MAPK10: variants seen among roughly 807,000 people sequenced by gnomAD.
MAPK10 encodes the protein JNK3 alpha protein kinase.
MAPK10 carries 25 observed loss-of-function variants against 59.3 expected under a neutral mutation model. The observed-to-expected ratio is 0.42, with a 90% CI of 0.31 to 0.59. The LOEUF is 0.59. Among genes scored for constraint, MAPK10 ranks in the 20% least tolerant of loss-of-function variants. The pLI is 0.15. For missense variants in MAPK10, 351 were observed against 568.9 expected (o/e 0.62, Z 3.90); for synonymous variants, 190 against 200.5 (o/e 0.95, Z 0.44).
chr4:86,200,257 G>A (rs980147875), intron 2 of MAPK10, among the ~76,000 whole-genome samples: 3 of 151,912 alleles, frequency 2.0e-5, no homozygotes, highest in African/African-American at 7.2e-5. Flanking sequence ...TTTGAAAAAT[G>A]CATATATCCC....
intron 4 of MAPK10, among the ~76,000 whole-genome samples, chr4:86,111,199 T>C: frequency 6.6e-6 from 1 of 152,178 alleles, no homozygotes; most frequent in East Asian, 1.9e-4. Context: ...CCTCTCTTCT[T>C]ATTTGAATAT....
intron 2 of MAPK10, among the ~76,000 whole-genome samples, chr4:86,220,451 T>C (rs1463177160): frequency 6.6e-6 from 1 of 152,194 alleles, no homozygotes; most frequent in Non-Finnish European, 1.5e-5. Flanking sequence ...AGGAATAATA[T>C]GGAGATTGGA....
chr4:86,350,843 G>A (rs1279974289), intron 2 of MAPK10, among the ~76,000 whole-genome samples: 1 of 152,184 alleles, frequency 6.6e-6, no homozygotes, highest in African/African-American at 2.4e-5. Context: ...AGATGATGAT[G>A]AGGACCTAAA....
chr4:86,430,392 A>G (rs1036175627), intron 1 of MAPK10, among the ~76,000 whole-genome samples: 20 of 152,324 alleles, frequency 1.3e-4, no homozygotes, highest in African/African-American at 4.6e-4. Flanking sequence ...TCTTTCCTTC[A>G]ACCAATATAT....
At chr4:86,517,429 C>A (rs1256735354) in intron 1 of MAPK10, among the ~76,000 whole-genome samples, 1 of 151,870 alleles carries the variant, frequency 6.6e-6, no homozygotes, top group Admixed American at 6.6e-5. Context: ...GGGCCGGCCA[C>A]CGCGCCCGGC....
intron 2 of MAPK10, among the ~76,000 whole-genome samples, chr4:86,300,030 T>G (rs938816348): frequency 1.3e-5 from 2 of 152,072 alleles, no homozygotes; most frequent in Non-Finnish European, 2.9e-5. Flanking sequence ...GTAGCTGGGT[T>G]TGCAGGTGTG....
intron 2 of MAPK10, among the ~76,000 whole-genome samples, chr4:86,252,584 T>G (rs1271191574): frequency 3.0e-4 from 42 of 138,032 alleles, no homozygotes; most frequent in South Asian, 1.4e-3. Context: ...AGCCTTGTAG[T>G]ATAGTTTGAA....
chr4:86,333,752 G>A (rs2096209115), intron 2 of MAPK10, among the ~76,000 whole-genome samples: 1 of 151,946 alleles, frequency 6.6e-6, no homozygotes, highest in Admixed American at 6.6e-5. Context: ...AACCTTTCTG[G>A]GGCTCACATA....
chr4:86,482,947 A>G (rs539174777), intron 1 of MAPK10, among the ~76,000 whole-genome samples: 17 of 152,228 alleles, frequency 1.1e-4, no homozygotes, highest in South Asian at 8.3e-4. Context: ...TTAGCTTTCC[A>G]AAGAGCTGAT....
At chr4:86,391,781 C>G (rs905488055) in intron 1 of MAPK10, among the ~76,000 whole-genome samples, 1 of 152,172 alleles carries the variant, frequency 6.6e-6, no homozygotes, top group Admixed American at 6.5e-5. Context: ...AAACAAGTGA[C>G]GTGAACCATT....
chr4:86,443,629 A>G (rs971309077), intron 1 of MAPK10, among the ~76,000 whole-genome samples: 1 of 152,040 alleles, frequency 6.6e-6, no homozygotes, highest in African/African-American at 2.4e-5. Context: ...ACACACACAC[A>G]CGCACAAAAC....
chr4:86,443,568 G>A (rs1294124534), intron 1 of MAPK10, among the ~76,000 whole-genome samples: 1 of 150,972 alleles, frequency 6.6e-6, no homozygotes, highest in Non-Finnish European at 1.5e-5. Context: ...GCTGAAAGAC[G>A]AGACCTAATC....
At chr4:86,559,651 G>A (rs749739859) in intron 1 of MAPK10, among the ~76,000 whole-genome samples, 10 of 151,426 alleles carry the variant, frequency 6.6e-5, no homozygotes, top group East Asian at 3.9e-4. Context: ...GTCACTCACC[G>A]GCCAGGCGTG....
intron 1 of MAPK10, among the ~76,000 whole-genome samples, chr4:86,544,192 G>A (rs1029615360): frequency 2.6e-5 from 4 of 152,172 alleles, no homozygotes; most frequent in African/African-American, 9.7e-5. Flanking sequence ...CCCAAGAGGT[G>A]ATGGATTGTC....
chr4:86,057,331 G>C (rs992545433), intron 11 of MAPK10, among the ~76,000 whole-genome samples: 2 of 150,180 alleles, frequency 1.3e-5, no homozygotes, highest in Admixed American at 6.6e-5. Context: ...ATTCAAAGCA[G>C]TTGATGCACA....
At chr4:86,324,169 G>A (rs1002734686) in intron 2 of MAPK10, among the ~76,000 whole-genome samples, 1 of 152,132 alleles carries the variant, frequency 6.6e-6, no homozygotes, top group Non-Finnish European at 1.5e-5. Context: ...CATTTTGGGA[G>A]GCAATGGCAG....
intron 2 of MAPK10, among the ~76,000 whole-genome samples, chr4:86,297,650 A>G (rs943832417): frequency 6.6e-6 from 1 of 152,188 alleles, no homozygotes; most frequent in Non-Finnish European, 1.5e-5. Context: ...AAATAATTTT[A>G]CAATAAAAAT....
Position 86,490,383 on chromosome 4 carries a change from C to T in MAPK10, c.-263+103527G>A, listed in dbSNP as rs114196301. ...ACAACTGTTGGTCCAGGGAGGGCAT[C>T]CTGGTTGACTCTGTACTATGTGGTA... is the stretch of plus-strand genomic sequence containing the variant. On this transcript the variant is annotated intron_variant, in intron 1 of 4. Transcript: ENST00000502302. 1.5e-3 allele frequency among the ~76,000 whole-genome samples: 235 copies of T among 152,266 alleles called. 4 individuals are homozygous for T. The highest frequency in any genetic ancestry group is 5.4e-3 in the African/African-American group (226 of 41,562).
chr4:86,055,140 T>C (rs1375309212), intron 11 of MAPK10, among the ~76,000 whole-genome samples: 1 of 152,202 alleles, frequency 6.6e-6, no homozygotes, highest in Non-Finnish European at 1.5e-5. Context: ...AAACTGGTGA[T>C]GGGCACTTGG....
Sources: allele counts gnomAD v4.1 joint callset (sites outside exome capture counted in the v4.1 genomes callset), GRCh38; gene constraint gnomAD v4.1.1; transcripts MANE v1.5; gene names NCBI Gene and HGNC (gene_info 2026-07-23, HGNC 2026-07-21).